TMEM132D: variants seen among roughly 807,000 people sequenced by gnomAD.
TMEM132D encodes the protein mature OL transmembrane protein.
Under a neutral mutation model 62.3 loss-of-function variants are expected in TMEM132D, and 21 were observed. That is an observed-to-expected ratio of 0.34 (90% CI 0.24 to 0.49). The LOEUF is 0.49. Ranked by LOEUF, TMEM132D falls within the 20% of genes least tolerant of loss-of-function variation. TMEM132D has a pLI of 0.99. For synonymous variants in TMEM132D, 621 were observed against 575.6 expected (o/e 1.08, Z -1.13); for missense variants, 1,346 against 1,402.8 (o/e 0.96, Z 0.65).
intron 1 of TMEM132D, among the ~76,000 whole-genome samples, chr12:129,791,586 A>G (rs552624811): frequency 3.9e-5 from 6 of 152,242 alleles, no homozygotes; most frequent in Admixed American, 2.0e-4. Flanking sequence ...CAAGAGACAT[A>G]TTTTAATTTA....
In TMEM132D at chr12:129,135,305, T is replaced by A. The variant is rs191210952; in HGVS notation, c.1444-50603A>T. Among the ~76,000 whole-genome samples, 16 of 152,310 alleles carry A rather than the reference T, an allele frequency of 1.1e-4. No individual in the cohort carries two copies. In the East Asian group the frequency reaches 2.5e-3, roughly 24 times the overall value. On this transcript the variant is annotated intron_variant, in intron 5 of 8. Coordinates refer to ENST00000422113, the MANE Select transcript of TMEM132D (RefSeq NM_133448.3). Reference sequence around the variant, plus strand: ...TCAAGAGTTTTGAGTGACATGGGAATGATGGTCATGACCTCATGGGAATCA... The same window carrying A: ...TCAAGAGTTTTGAGTGACATGGGAAAGATGGTCATGACCTCATGGGAATCA...
intron 3 of TMEM132D, among the ~76,000 whole-genome samples, chr12:129,507,816 C>T (rs1277320049): frequency 1.3e-5 from 2 of 152,100 alleles, no homozygotes; most frequent in African/African-American, 4.8e-5. Context: ...AAAGAACTTA[C>T]TCATGTAACC....
chr12:129,357,414 G>A (rs562335273), intron 3 of TMEM132D, among the ~76,000 whole-genome samples: 1 of 143,856 alleles, frequency 7.0e-6, no homozygotes, highest in Admixed American at 7.3e-5. Flanking sequence ...AAGGAAGGAA[G>A]GAGAAAGAAA....
intron 1 of TMEM132D, among the ~76,000 whole-genome samples, chr12:129,705,842 A>C (rs767604335): frequency 9.9e-5 from 15 of 152,156 alleles, no homozygotes; most frequent in Non-Finnish European, 1.5e-4. Context: ...AGTAATTTAA[A>C]ATTTATAAAC....
Position 129,903,297 on chromosome 12 carries a change from G to A in TMEM132D, c.43C>T (p.Pro15Ser). The A allele has an allele frequency of 6.4e-7, 1 of 1,554,554 alleles. No individual in the cohort carries two copies. The highest frequency in any genetic ancestry group is 8.7e-7 in the Non-Finnish European group (1 of 1,148,710). Residue 15 changes from proline to serine, a missense_variant, in exon 1 of 9, where the codon CCG becomes TCG. Physicochemically the swap from Pro to Ser is moderately conservative, Grantham distance 74 (BLOSUM62 -1). Transcript: ENST00000422113. The surrounding 1 kb of genome is among the most constrained non-coding windows in gnomAD (Gnocchi z 6.2). ...AGGGCGGCCAGGCTGATGAGTACCG[G>A]CGACCAGTGGTGCCACAGCGTCCCC... The part of the protein sequence containing the change: ...EMGTLWHHWS[P>S]VLISLAALFS...
chr12:129,264,050 C>T (rs1176725715), intron 4 of TMEM132D, among the ~76,000 whole-genome samples: 2 of 152,084 alleles, frequency 1.3e-5, no homozygotes, highest in Admixed American at 6.6e-5. Flanking sequence ...TCAGTGCTGG[C>T]CGTCACCTGC....
chr12:129,891,221 A>G (rs991114400), intron 1 of TMEM132D, among the ~76,000 whole-genome samples: 1 of 152,142 alleles, frequency 6.6e-6, no homozygotes, highest in Non-Finnish European at 1.5e-5. Flanking sequence ...CACTTCAGAA[A>G]GCACACCTGG....
intron 1 of TMEM132D, among the ~76,000 whole-genome samples, chr12:129,799,352 ATG>A (rs201579147): frequency 0.013 from 1,796 of 143,432 alleles, 42 homozygotes; most frequent in African/African-American, 0.044. Flanking sequence ...ATGTGTATAT[ATG>A]TGTGTGTGTG....
At chr12:129,374,293 G>GAGAGAGAGAGAGAGAGAC (rs1870717501) in intron 3 of TMEM132D, among the ~76,000 whole-genome samples, 1 of 151,736 alleles carries the variant, frequency 6.6e-6, no homozygotes, top group East Asian at 1.9e-4. Flanking sequence ...GAGAGAGAGA[G>GAGAGAGAGAGAGAGAGAC]AGATTGCCCC....
intron 2 of TMEM132D, chr12:129,682,764 CAGG>C (rs898278020): frequency 6.8e-6 from 1 of 146,472 alleles, no homozygotes; most frequent in African/African-American, 2.5e-5. Context: ...GAGGCTGAGG[CAGG>C]AGAATGGCGT....
intron 3 of TMEM132D, among the ~76,000 whole-genome samples, chr12:129,456,872 C>T (rs978941895): frequency 4.6e-5 from 7 of 152,106 alleles, no homozygotes; most frequent in East Asian, 1.9e-4. Context: ...TAGGGAGCAT[C>T]GTATTAGACT....
At chr12:129,408,882 G>T (rs1370121446) in intron 3 of TMEM132D, among the ~76,000 whole-genome samples, 1 of 152,036 alleles carries the variant, frequency 6.6e-6, no homozygotes, top group Non-Finnish European at 1.5e-5. Flanking sequence ...AGAGAGACTG[G>T]GACACATACA....
intron 4 of TMEM132D, among the ~76,000 whole-genome samples, chr12:129,311,934 G>A (rs536625264): frequency 6.6e-6 from 1 of 152,132 alleles, no homozygotes; most frequent in Non-Finnish European, 1.5e-5. Context: ...GGGTCCTTGG[G>A]CCTCAGTAAG....
intron 5 of TMEM132D, among the ~76,000 whole-genome samples, chr12:129,177,215 C>T (rs1257649021): frequency 6.6e-6 from 1 of 152,140 alleles, no homozygotes. Flanking sequence ...TCAGTGCGTT[C>T]ATCTATTTTA....
chr12:129,248,343 A>G (rs991542728), intron 4 of TMEM132D, among the ~76,000 whole-genome samples: 5 of 152,208 alleles, frequency 3.3e-5, no homozygotes, highest in African/African-American at 1.2e-4. Flanking sequence ...AAGTCTTAAA[A>G]TAGGGATGTC....
At chr12:129,596,300 G>A (rs1878334657) in intron 2 of TMEM132D, among the ~76,000 whole-genome samples, 1 of 152,186 alleles carries the variant, frequency 6.6e-6, no homozygotes, top group Non-Finnish European at 1.5e-5. Flanking sequence ...GCAGATGAAA[G>A]GAGGCTATTA....
intron 4 of TMEM132D, among the ~76,000 whole-genome samples, chr12:129,235,413 T>C (rs568403705): frequency 1.3e-5 from 2 of 150,740 alleles, no homozygotes; most frequent in African/African-American, 2.4e-5. Flanking sequence ...TTTTTTTTTT[T>C]ATTATAGCTT....
intron 1 of TMEM132D, among the ~76,000 whole-genome samples, chr12:129,756,163 G>A (rs187138056): frequency 5.9e-5 from 9 of 152,278 alleles, no homozygotes; most frequent in South Asian, 4.1e-4. Context: ...CAAGTTTAAC[G>A]TTTCAGCTAT....
At chr12:129,520,571 T>C in intron 3 of TMEM132D, among the ~76,000 whole-genome samples, 1 of 151,156 alleles carries the variant, frequency 6.6e-6, no homozygotes, top group Non-Finnish European at 1.5e-5. Context: ...GAAAGTTTGA[T>C]GTAGACACGA....
Sources: allele counts gnomAD v4.1 joint callset (sites outside exome capture counted in the v4.1 genomes callset), GRCh38; gene constraint gnomAD v4.1.1; non-coding constraint Gnocchi (gnomAD v3.1); transcripts MANE v1.5; gene names NCBI Gene and HGNC (gene_info 2026-07-23, HGNC 2026-07-21).